Variants in CDH8 observed in about 807,000 individuals in gnomAD.
The protein encoded by CDH8 is cadherin 8, also known as cadherin-8.
CDH8 carries 17 observed loss-of-function variants against 68.1 expected under a neutral mutation model. The observed-to-expected ratio is 0.25, with a 90% CI of 0.17 to 0.37. The LOEUF (loss-of-function observed/expected upper bound fraction) is 0.37. Ranked by LOEUF, CDH8 falls within the 10% of genes least tolerant of loss-of-function variation. The probability of loss-of-function intolerance (pLI) is 1.00; values close to 1 mark genes in which losing one functional copy is unlikely to be tolerated. For synonymous variants in CDH8, 372 were observed against 365.1 expected, an observed-to-expected ratio of 1.02 and a Z score of -0.21; for missense variants, 763 against 999.3, an observed-to-expected ratio of 0.76 and a Z score of 3.19.
intron 7 of CDH8, among the ~76,000 whole-genome samples, chr16:61,811,491 G>C (rs554711567): frequency 1.3e-5 from 2 of 152,126 alleles, no homozygotes; most frequent in African/African-American, 4.8e-5. Flanking sequence ...ATAGTATGGA[G>C]GTTCCTCAAA....
At chr16:61,758,657 T>C (rs1425175274) in intron 8 of CDH8, among the ~76,000 whole-genome samples, 1 of 152,168 alleles carries the variant, frequency 6.6e-6, no homozygotes, top group African/African-American at 2.4e-5. Flanking sequence ...GTTCTTGAAC[T>C]CCTGACCTCA....
At chr16:61,773,273 C>G (rs1227288558) in intron 8 of CDH8, among the ~76,000 whole-genome samples, 2 of 152,026 alleles carry the variant, frequency 1.3e-5, no homozygotes, top group African/African-American at 2.4e-5. Flanking sequence ...AAGAATCTCA[C>G]CCTACTCCAC....
chr16:61,697,598 A>T (rs1596876485), intron 10 of CDH8, among the ~76,000 whole-genome samples: 1 of 152,074 alleles, frequency 6.6e-6, no homozygotes, highest in East Asian at 1.9e-4. Flanking sequence ...AGCTCAAGCA[A>T]TTCTCATGTC....
chr16:61,714,190 T>C (rs1964680105), intron 9 of CDH8: 1 of 476,462 alleles, frequency 2.1e-6, no homozygotes, highest in African/African-American at 2.0e-5. Flanking sequence ...TTGTGTCCAT[T>C]TGGTGTCTGT....
chr16:62,008,188 C>T (rs1369405596), intron 2 of CDH8, among the ~76,000 whole-genome samples: 1 of 152,002 alleles, frequency 6.6e-6, no homozygotes, highest in Non-Finnish European at 1.5e-5. Flanking sequence ...TCTCCTGCCT[C>T]AGCCTCCCAA....
intron 10 of CDH8, among the ~76,000 whole-genome samples, chr16:61,705,010 A>G (rs1964502238): frequency 6.6e-6 from 1 of 152,150 alleles, no homozygotes; most frequent in African/African-American, 2.4e-5. Context: ...ACAGCCTCAA[A>G]AGGCTGAGGA....
chr16:61,698,679 G>A (rs1964370606), intron 10 of CDH8, among the ~76,000 whole-genome samples: 1 of 152,152 alleles, frequency 6.6e-6, no homozygotes, highest in Admixed American at 6.5e-5. Flanking sequence ...AGGGACCCAG[G>A]AATTAACCAG....
chr16:61,702,855 C>A (rs1165019161), intron 10 of CDH8, among the ~76,000 whole-genome samples: 2 of 152,142 alleles, frequency 1.3e-5, no homozygotes, highest in African/African-American at 2.4e-5. Context: ...AAGTCACTTA[C>A]TATAGCTGAA....
chr16:61,949,109 T>C (rs962927477), intron 2 of CDH8, among the ~76,000 whole-genome samples: 1 of 152,190 alleles, frequency 6.6e-6, no homozygotes, highest in African/African-American at 2.4e-5. Flanking sequence ...TTGTAGTTGA[T>C]ATTGAGAATC....
intron 8 of CDH8, among the ~76,000 whole-genome samples, chr16:61,769,449 TCGTGGTCAGTTTACAATCCCATAC>T (rs999207185): frequency 2.0e-5 from 3 of 151,830 alleles, no homozygotes; most frequent in African/African-American, 7.2e-5. Flanking sequence ...CTTCCCAATA[TCGTGGTCAGTTTACAATCCCATAC>T]CTTTCTGTCT....
At chr16:61,846,508 A>C (rs1430790173) in intron 4 of CDH8, among the ~76,000 whole-genome samples, 8 of 152,144 alleles carry the variant, frequency 5.3e-5, no homozygotes, top group Admixed American at 5.2e-4. Context: ...CAAGGTGTTT[A>C]GAGTACCTGT....
intron 3 of CDH8, among the ~76,000 whole-genome samples, chr16:61,872,666 G>C (rs1437252608): frequency 6.6e-6 from 1 of 152,166 alleles, no homozygotes; most frequent in Non-Finnish European, 1.5e-5. Flanking sequence ...AGGGCATAAA[G>C]AGTCCTGTCC....
intron 2 of CDH8, among the ~76,000 whole-genome samples, chr16:62,019,734 G>C (rs540862189): frequency 6.6e-6 from 1 of 152,246 alleles, no homozygotes; most frequent in East Asian, 1.9e-4. Context: ...TTAGGACAGA[G>C]GGAGTGCAGA....
At chr16:62,020,984 G>C (rs577422953) in intron 2 of CDH8, among the ~76,000 whole-genome samples, 168 bp downstream of exon 2, 1 of 152,300 alleles carries the variant, frequency 6.6e-6, no homozygotes, top group East Asian at 1.9e-4. Context: ...ATTTAAAACT[G>C]TTACCTTGGG....
intron 2 of CDH8, among the ~76,000 whole-genome samples, chr16:61,991,547 CAGAT>C (rs1291454393): frequency 1.3e-5 from 2 of 152,156 alleles, no homozygotes; most frequent in African/African-American, 4.8e-5. Context: ...AATTTGGAGG[CAGAT>C]GGAGAATACA....
chr16:62,001,686 T>C (rs956580699), intron 2 of CDH8, among the ~76,000 whole-genome samples: 1 of 152,110 alleles, frequency 6.6e-6, no homozygotes, highest in Non-Finnish European at 1.5e-5. Context: ...TTATTATTAT[T>C]ATGCTTTAAG....
chr16:61,767,534 T>C (rs1311903802), intron 8 of CDH8, among the ~76,000 whole-genome samples: 2 of 151,920 alleles, frequency 1.3e-5, no homozygotes, highest in Admixed American at 6.6e-5. Context: ...GATATCATAA[T>C]GCAAATGTTA....
intron 2 of CDH8, among the ~76,000 whole-genome samples, chr16:62,001,588 G>A (rs2150597017): frequency 6.6e-6 from 1 of 152,186 alleles, no homozygotes; most frequent in South Asian, 2.1e-4. Flanking sequence ...CTCCCTTCCT[G>A]CCTAGAAAGT....
At position 61,901,281 on chromosome 16, in the gene CDH8, G is replaced by A; in HGVS notation, c.445C>T (p.Pro149Ser). 2 of 1,613,926 alleles carry A rather than the reference G, an allele frequency of 1.2e-6. No individual in the cohort carries two copies. Among genetic ancestry groups the A allele is most frequent in the African/African-American group, 1.3e-5 (1 of 75,006 alleles). ...ACTTTAATAATAAATTCAGAAGGAG[G>A]CTCCAGAGGTTTGCTTGTCTCCCAG... ...VDWETSKPLE[P>S]PSEFIIKVQD... is the part of the protein sequence containing the mutation. The change falls in exon 3 of 12, where the codon CCT (proline) becomes TCT (serine). Residue 149 changes from proline to serine, a missense_variant. Coordinates refer to ENST00000577390, the MANE Select transcript of CDH8 (RefSeq NM_001796.5).
Sources: gnomAD v4.1 joint callset for allele counts (sites outside exome capture counted in the v4.1 genomes callset) on GRCh38, gnomAD v4.1.1 for gene constraint, MANE v1.5 for transcripts, NCBI Gene and HGNC (gene_info 2026-07-23, HGNC 2026-07-21) for gene names.